GRIK4: variants seen among roughly 807,000 people sequenced by gnomAD.
The protein encoded by GRIK4 is glutamate ionotropic receptor kainate type subunit 4.
GRIK4 carries 40 observed loss-of-function variants against 104.9 expected under a neutral mutation model. The observed-to-expected ratio is 0.38, with a 90% CI of 0.30 to 0.50. The LOEUF (loss-of-function observed/expected upper bound fraction) is 0.50, where lower values mean the gene tolerates loss of function less well. Ranked by LOEUF, GRIK4 falls within the 20% of genes least tolerant of loss-of-function variation. The pLI, the probability that GRIK4 is intolerant of heterozygous loss-of-function variation, is 0.93. For missense variants in GRIK4, 1,047 were observed against 1,308.1 expected (o/e 0.80, Z 3.08); for synonymous variants, 485 against 524.9 (o/e 0.92, Z 1.04).
chr11:120,811,015 C>G (rs1952818411), intron 4 of GRIK4, among the ~76,000 whole-genome samples: 1 of 152,190 alleles, frequency 6.6e-6, no homozygotes, highest in Admixed American at 6.5e-5. Context: ...CCCCTGACTT[C>G]TACCCACAGA....
intron 9 of GRIK4, among the ~76,000 whole-genome samples, chr11:120,865,217 C>A (rs1394934398): frequency 6.6e-6 from 1 of 152,078 alleles, no homozygotes; most frequent in East Asian, 1.9e-4. Context: ...AATTCACAAT[C>A]ATTCACTAAG....
chr11:120,647,892 G>T (rs933720487), intron 1 of GRIK4, among the ~76,000 whole-genome samples: 1 of 152,234 alleles, frequency 6.6e-6, no homozygotes, highest in Non-Finnish European at 1.5e-5. Flanking sequence ...CCCGGTGGCC[G>T]CCAGTGCCCA....
intron 3 of GRIK4, among the ~76,000 whole-genome samples, chr11:120,663,119 G>A (rs1949848060): frequency 6.6e-6 from 1 of 152,164 alleles, no homozygotes; most frequent in Admixed American, 6.5e-5. Flanking sequence ...AATGTGTTTG[G>A]ATTTTGCTTC....
At chr11:120,632,560 G>C (rs954499389) in intron 1 of GRIK4, among the ~76,000 whole-genome samples, 1 of 152,070 alleles carries the variant, frequency 6.6e-6, no homozygotes, top group Non-Finnish European at 1.5e-5. Context: ...ATGAGATATA[G>C]AAGTCTAACA....
intron 14 of GRIK4, among the ~76,000 whole-genome samples, chr11:120,948,779 C>A (rs1031638190): frequency 6.6e-6 from 1 of 152,194 alleles, no homozygotes; most frequent in Admixed American, 6.5e-5. Flanking sequence ...CCCCACTCCC[C>A]CTTCACTCAC....
intron 4 of GRIK4, among the ~76,000 whole-genome samples, chr11:120,810,606 A>G (rs1043386968): frequency 6.6e-6 from 1 of 152,214 alleles, no homozygotes; most frequent in Admixed American, 6.5e-5. Context: ...ATGTTTTTAA[A>G]TGAATAAAAA....
At chr11:120,821,546 C>T (rs1307164142) in intron 6 of GRIK4, among the ~76,000 whole-genome samples, 1 of 152,208 alleles carries the variant, frequency 6.6e-6, no homozygotes, top group African/African-American at 2.4e-5. Flanking sequence ...TAAGGAATGT[C>T]TTCTAAGGCG....
At position 120,836,796 on chromosome 11, in the gene GRIK4, C is replaced by T. The variant is rs754532123; in HGVS notation, c.696C>T (p.Ala232=). Residue 232 remains alanine, a synonymous_variant, in exon 8 of 21, where the codon GCC becomes GCT. Coordinates refer to ENST00000527524, the MANE Select transcript of GRIK4 (RefSeq NM_014619.5). The part of the protein sequence containing the change: ...SMSHTILLKA[A]ELGMVSAYYT... ...TCCTTCTCTTCGCCTTGCAGGCAGCCGAACTTGGGATGGTGTCAGCCTATT... is the reference window on the plus strand; with the variant it reads ...TCCTTCTCTTCGCCTTGCAGGCAGCTGAACTTGGGATGGTGTCAGCCTATT... The T allele has an allele frequency of 2.2e-5, 35 of 1,606,320 alleles. 1 individual carries two copies. The highest frequency in any genetic ancestry group is 2.1e-4 in the South Asian group (19 of 90,952).
Position 120,755,641 on chromosome 11 carries a change from AAAT to A in GRIK4, c.83-47031_83-47029del, listed in dbSNP as rs370369560. ...AAAATAAAAAAACACCAAAGATAAT[AAAT>A]AATAATAATAATAATAATAAAAATA... On this transcript the variant is annotated intron_variant, in intron 3 of 20. Transcript: ENST00000527524. Among the ~76,000 whole-genome samples, 191 of 149,496 alleles carry A rather than the reference AAAT, an allele frequency of 1.3e-3. 3 individuals are homozygous for A. Among genetic ancestry groups the A allele is most frequent in the South Asian group, 7.7e-3 (37 of 4,776 alleles).
At chr11:120,604,171 CAAAAAAAAAAAAAAAA>C (rs59469495) in intron 1 of GRIK4, among the ~76,000 whole-genome samples, 1 of 51,780 alleles carries the variant, frequency 1.9e-5, no homozygotes, top group East Asian at 8.1e-4. Context: ...GACTCCTTCT[CAAAAAAAAAAAAAAAA>C]AAAAAAAAAA....
chr11:120,662,777 T>G (rs1949839284), intron 3 of GRIK4, among the ~76,000 whole-genome samples: 1 of 152,138 alleles, frequency 6.6e-6, no homozygotes, highest in South Asian at 2.1e-4. Context: ...TGGGTGGCTC[T>G]CTGAATGGGG....
chr11:120,638,579 G>A (rs567103618), intron 1 of GRIK4, among the ~76,000 whole-genome samples: 3 of 151,632 alleles, frequency 2.0e-5, no homozygotes, highest in South Asian at 2.1e-4. Context: ...CTGGGTTCAC[G>A]CCATTCTCCT....
chr11:120,752,000 C>T (rs1951563500), intron 3 of GRIK4, among the ~76,000 whole-genome samples: 1 of 152,112 alleles, frequency 6.6e-6, no homozygotes, highest in Non-Finnish European at 1.5e-5. Context: ...GCTGGAGGAG[C>T]TATTAATAGT....
chr11:120,553,852 C>T (rs905295168), intron 1 of GRIK4, among the ~76,000 whole-genome samples: 13 of 152,130 alleles, frequency 8.5e-5, no homozygotes, highest in Non-Finnish European at 8.8e-5. Flanking sequence ...AGTGTGCCCT[C>T]TCAATGCTGA....
chr11:120,613,154 G>A (rs888703934), intron 1 of GRIK4, among the ~76,000 whole-genome samples: 1 of 152,188 alleles, frequency 6.6e-6, no homozygotes, highest in African/African-American at 2.4e-5. Flanking sequence ...GGGTTCTGGA[G>A]TTGGAGAGAC....
intron 1 of GRIK4, among the ~76,000 whole-genome samples, chr11:120,608,943 C>T (rs532793661): frequency 6.6e-6 from 1 of 152,320 alleles, no homozygotes; most frequent in Non-Finnish European, 1.5e-5. Context: ...AACCCACTGG[C>T]AGGGAGAGTG....
At chr11:120,880,989 G>A (rs532736976) in intron 11 of GRIK4, among the ~76,000 whole-genome samples, 185 of 152,292 alleles carry the variant, frequency 1.2e-3, no homozygotes, top group Non-Finnish European at 1.7e-3. Flanking sequence ...AGGTCTTACT[G>A]TACAGGGCTG....
intron 3 of GRIK4, among the ~76,000 whole-genome samples, chr11:120,756,915 CT>C (rs1395899386): frequency 6.6e-6 from 1 of 152,252 alleles, no homozygotes; most frequent in African/African-American, 2.4e-5. Context: ...CAGCCAGCCC[CT>C]GCCCAGCTTG....
intron 9 of GRIK4, chr11:120,868,720 T>C (rs368709070): frequency 6.6e-6 from 1 of 151,360 alleles, no homozygotes; most frequent in Non-Finnish European, 1.5e-5. Flanking sequence ...TAGCTGGGAG[T>C]ACAGGCATGT....
Sources: gnomAD v4.1 joint callset for allele counts (sites outside exome capture counted in the v4.1 genomes callset) on GRCh38, gnomAD v4.1.1 for gene constraint, MANE v1.5 for transcripts, NCBI Gene and HGNC (gene_info 2026-07-23, HGNC 2026-07-21) for gene names.